The following FRMPD4 variants were observed in gnomAD, a reference collection of about 807,000 sequenced individuals.
FRMPD4 encodes the protein FERM and PDZ domain-containing protein 4.
A neutral mutation model predicts 94.1 loss-of-function variants in FRMPD4; 22 were observed. That is an observed-to-expected ratio of 0.23 (90% CI 0.17 to 0.33). The LOEUF (loss-of-function observed/expected upper bound fraction) is 0.33, where lower values mean the gene tolerates loss of function less well. Ranked by LOEUF, FRMPD4 falls within the 10% of genes least tolerant of loss-of-function variation. FRMPD4 has a pLI of 1.00. For synonymous variants in FRMPD4, 631 were observed against 548.6 expected, an observed-to-expected ratio of 1.15 and a Z score of -2.10; for missense variants, 1,111 against 1,339.9, an observed-to-expected ratio of 0.83 and a Z score of 2.67.
chrX:12,186,569 C>CAATATA (rs1242114422), intron 1 of FRMPD4, among the ~76,000 whole-genome samples: 1 of 111,231 alleles, frequency 9.0e-6, no homozygotes, highest in Admixed American at 9.6e-5. Flanking sequence ...GACACCTTGC[C>CAATATA]TATTGAAGAT....
At chrX:12,120,977 A>G (rs1016828454) in intron 3 of FRMPD4, among the ~76,000 whole-genome samples, 6 of 109,137 alleles carry the variant, frequency 5.5e-5, no homozygotes, top group African/African-American at 2.0e-4. Context: ...TAAAAATTAT[A>G]TATAATTTAT....
chrX:11,894,474 C>A (rs1372282850), intron 3 of FRMPD4, among the ~76,000 whole-genome samples: 1 of 112,206 alleles, frequency 8.9e-6, no homozygotes, highest in Non-Finnish European at 1.9e-5. Flanking sequence ...CCAGTAACAA[C>A]CATTTTAAAA....
At chrX:12,102,414 A>T (rs181256131) in intron 3 of FRMPD4, among the ~76,000 whole-genome samples, 1 of 112,050 alleles carries the variant, frequency 8.9e-6, no homozygotes, top group Non-Finnish European at 1.9e-5. Flanking sequence ...TTGTACAAAC[A>T]GTAAGAAGTC....
chrX:12,110,541 C>T lies in FRMPD4; in HGVS notation c.95+232523C>T, dbSNP rs375513442. Among the ~76,000 whole-genome samples, 9 of 111,395 alleles carry T rather than the reference C, an allele frequency of 8.1e-5. No homozygotes were observed. In the South Asian group the frequency reaches 1.1e-3, roughly 14 times the overall value. On this transcript the variant is annotated intron_variant, in intron 3 of 18. Coordinates refer to the FRMPD4 transcript ENST00000640291. ...GGGATGCCCTCTCTCACCACTCCTACTCAACATAGTGTTGGAAGTTCTGGC... is the reference window on the plus strand; with the variant it reads ...GGGATGCCCTCTCTCACCACTCCTATTCAACATAGTGTTGGAAGTTCTGGC...
chrX:12,066,358 T>G (rs747385678), intron 3 of FRMPD4, among the ~76,000 whole-genome samples: 2 of 112,086 alleles, frequency 1.8e-5, no homozygotes, highest in Non-Finnish European at 3.8e-5. Context: ...TAAGACTGTC[T>G]TTTCTGTAAT....
intron 3 of FRMPD4, among the ~76,000 whole-genome samples, chrX:11,895,211 C>A (rs1460745830): frequency 8.9e-6 from 1 of 111,885 alleles, no homozygotes; most frequent in Non-Finnish European, 1.9e-5. Flanking sequence ...ATTGCAGGAT[C>A]TTTAGCAGCA....
chrX:12,675,816 T>C (rs926262777), intron 5 of FRMPD4, among the ~76,000 whole-genome samples: 18 of 111,368 alleles, frequency 1.6e-4, no homozygotes, highest in African/African-American at 2.6e-4. Flanking sequence ...TTCTTCCCCA[T>C]AGAGTTGGAG....
intron 1 of FRMPD4, among the ~76,000 whole-genome samples, chrX:12,493,030 G>C (rs1489557963): frequency 9.0e-6 from 1 of 111,033 alleles, no homozygotes; most frequent in East Asian, 2.8e-4. Context: ...TCATGCCAGG[G>C]ACCCTCTACT....
At chrX:12,677,828 G>A (rs1316243247) in intron 5 of FRMPD4, among the ~76,000 whole-genome samples, 2 of 111,518 alleles carry the variant, frequency 1.8e-5, no homozygotes. Context: ...AGAGTCTTGG[G>A]ATCCCTGAAA....
intron 4 of FRMPD4, among the ~76,000 whole-genome samples, chrX:12,635,249 G>GA (rs769317723): frequency 1.7e-4 from 19 of 111,675 alleles, no homozygotes; most frequent in Middle Eastern, 4.6e-3. Flanking sequence ...ATGGCTTAAG[G>GA]AAAAAAGTGA....
At chrX:12,642,829 A>T (rs1464149311) in intron 4 of FRMPD4, among the ~76,000 whole-genome samples, 2 of 112,401 alleles carry the variant, frequency 1.8e-5, no homozygotes, top group East Asian at 2.8e-4. Context: ...CCTGAGCTCC[A>T]GAAGTCTAGG....
chrX:12,358,091 G>A (rs2055922576), intron 1 of FRMPD4, among the ~76,000 whole-genome samples: 1 of 112,202 alleles, frequency 8.9e-6, no homozygotes, highest in African/African-American at 3.2e-5. Context: ...CTGCTGAATT[G>A]TATTTCCTTA....
intron 10 of FRMPD4, among the ~76,000 whole-genome samples, 181 bp downstream of exon 10, chrX:12,702,191 T>C (rs1449565898): frequency 8.9e-6 from 1 of 112,813 alleles, no homozygotes; most frequent in Non-Finnish European, 1.9e-5. Context: ...AATCCACCTT[T>C]AGAGCATTGT....
At chrX:12,714,977 C>T (rs1479003689) in intron 14 of FRMPD4, among the ~76,000 whole-genome samples, 2 of 112,198 alleles carry the variant, frequency 1.8e-5, no homozygotes, top group South Asian at 3.7e-4. Flanking sequence ...GCATGATTTG[C>T]GGGGAGCAAA....
chrX:12,423,402 G>T (rs1445130009), intron 1 of FRMPD4, among the ~76,000 whole-genome samples: 3 of 111,378 alleles, frequency 2.7e-5, no homozygotes, highest in Non-Finnish European at 5.7e-5. Context: ...AAAGGTCTTG[G>T]AAAAATAGGA....
chrX:11,854,681 T>G (rs1030534868), intron 1 of FRMPD4, among the ~76,000 whole-genome samples: 1 of 112,640 alleles, frequency 8.9e-6, no homozygotes, highest in African/African-American at 3.2e-5. Flanking sequence ...TGACTCCATA[T>G]CTCACATCCA....
chrX:12,718,213 G>A lies in FRMPD4; in HGVS notation c.3387G>A (p.Lys1129=). ...SGLGAREAEG[K]EEGAPDGETS... ...TTGGGGCAAGGGAGGCCGAAGGGAAGGAAGAAGGAGCTCCTGATGGAGAAA... is the reference window on the plus strand; with the variant it reads ...TTGGGGCAAGGGAGGCCGAAGGGAAAGAAGAAGGAGCTCCTGATGGAGAAA... The change falls in exon 16 of 17, where the codon AAG becomes AAA. Residue 1129 remains lysine (K), a synonymous_variant. Coordinates refer to ENST00000675598, the MANE Select transcript of FRMPD4 (RefSeq NM_001368397.1). 8.3e-7 allele frequency: 1 copy of A among 1,211,396 alleles called. No individual in the cohort carries two copies. Among genetic ancestry groups the A allele is most frequent in the South Asian group, 1.8e-5 (1 of 56,992 alleles).
chrX:12,704,058 T>C (rs1007219674), intron 10 of FRMPD4, among the ~76,000 whole-genome samples: 3 of 112,689 alleles, frequency 2.7e-5, no homozygotes, highest in African/African-American at 9.7e-5. Flanking sequence ...TGAGTGACTT[T>C]GAAGAGATTC....
intron 3 of FRMPD4, among the ~76,000 whole-genome samples, chrX:11,999,592 G>A (rs1270415978): frequency 8.9e-6 from 1 of 112,146 alleles, no homozygotes; most frequent in Non-Finnish European, 1.9e-5. Context: ...GAAACATAAT[G>A]GGGGAAGTTA....
Sources: allele counts gnomAD v4.1 joint callset (sites outside exome capture counted in the v4.1 genomes callset), GRCh38; gene constraint gnomAD v4.1.1; transcripts MANE v1.5; gene names NCBI Gene and HGNC (gene_info 2026-07-23, HGNC 2026-07-21).